Variants in CLIC5 observed in about 807,000 individuals in gnomAD.
The protein encoded by CLIC5 is chloride intracellular channel protein 5.
A neutral mutation model predicts 24.7 loss-of-function variants in CLIC5; 20 were observed. The ratio of observed to expected loss-of-function variants is 0.81; its 90% CI spans 0.57 to 1.18. CLIC5 has a LOEUF of 1.18. CLIC5 is among the 50% of genes most tolerant of loss of function. The pLI, the probability that CLIC5 is intolerant of heterozygous loss-of-function variation, is 0.00. For missense variants in CLIC5, 341 were observed against 326.1 expected, an observed-to-expected ratio of 1.05 and a Z score of -0.35; for synonymous variants, 159 against 135.6, an observed-to-expected ratio of 1.17 and a Z score of -1.20.
chr6:45,896,145 C>T (rs1014971121), downstream of CLIC5, among the ~76,000 whole-genome samples: 1 of 152,040 alleles, frequency 6.6e-6, no homozygotes, highest in African/African-American at 2.4e-5. Context: ...GATAGGAGAC[C>T]TATATAATGT....
the CLIC5 span, among the ~76,000 whole-genome samples, chr6:46,103,970 T>A: frequency 6.6e-6 from 1 of 152,114 alleles, no homozygotes; most frequent in Admixed American, 6.5e-5. Context: ...TGTTTCTTTT[T>A]CACCTGCAAG....
chr6:46,058,383 AGAG>A (rs1473894861), intron 1 of CLIC5, among the ~76,000 whole-genome samples: 1 of 152,242 alleles, frequency 6.6e-6, no homozygotes, highest in African/African-American at 2.4e-5. Flanking sequence ...TTCTATAAAT[AGAG>A]ATGTCAATAA....
At chr6:45,912,699 C>G in intron 5 of CLIC5, 1 of 1,535,470 alleles carries the variant, frequency 6.5e-7, no homozygotes, top group Non-Finnish European at 8.7e-7. Context: ...CACAGTGTGA[C>G]TGAGCTGGAA....
Position 45,911,519 on chromosome 6 carries a change from A to G in CLIC5, c.588+2709T>C, listed in dbSNP as rs1014247947. 1.3e-5 allele frequency: 11 copies of G among 815,930 alleles called. No homozygotes were observed. The African/African-American group carries it at 2.0e-4, about 15-fold the overall frequency. The allele number at this position is 815,930 out of a possible 1,614,324, so 50.5% of individuals were successfully genotyped here. On this transcript the variant is annotated intron_variant, in intron 5 of 5. Transcript: ENST00000339561. ...CAGGAGTGGTGGCCTGACCAAGAGA[A>G]CTGGCTGGAATTTATCAGAGTGGAT... is the stretch of plus-strand genomic sequence containing the variant.
chr6:45,904,069 A>G (rs1453765021), intron 5 of CLIC5, among the ~76,000 whole-genome samples: 1 of 152,210 alleles, frequency 6.6e-6, no homozygotes, highest in Admixed American at 6.5e-5. Context: ...AAACAAGAGC[A>G]AAGTGATTAA....
At chr6:45,948,347 C>T (rs1764355175) in intron 3 of CLIC5, among the ~76,000 whole-genome samples, 1 of 152,280 alleles carries the variant, frequency 6.6e-6, no homozygotes, top group East Asian at 1.9e-4. Flanking sequence ...CCTGGACAGT[C>T]ACCAATGGCT....
rs186278915 is a variant in CLIC5, at chr6:46,032,890, T to C, written c.540+46813A>G. On this transcript the variant is annotated intron_variant, in intron 1 of 5. Transcript: ENST00000185206. ...GGAAGCAGTTTCCAAGGACAATCTG[T>C]AGCAGAATCACTTAGGGAGCTTCTT... Among the ~76,000 whole-genome samples the C allele has an allele frequency of 1.5e-3, 230 of 151,970 alleles. 1 individual carries two copies. Among genetic ancestry groups the C allele is most frequent in the Admixed American group, 4.8e-3 (74 of 15,268 alleles).
At chr6:46,119,970 G>C in the CLIC5 span, among the ~76,000 whole-genome samples, 1 of 152,222 alleles carries the variant, frequency 6.6e-6, no homozygotes, top group African/African-American at 2.4e-5. Context: ...GCAGCTCAAG[G>C]AGGCCTGCCT....
At position 45,900,140 on chromosome 6, in the gene CLIC5, C is replaced by T. The variant is rs1762472090; in HGVS notation, c.*2948G>A. Reference sequence around the variant, plus strand: ...TCAGAAGCAGGCATTGCTGACTAGACAGTGAATTCAACTCAGTCATTCTGA... The same window carrying T: ...TCAGAAGCAGGCATTGCTGACTAGATAGTGAATTCAACTCAGTCATTCTGA... On this transcript the variant is annotated 3_prime_UTR_variant, in exon 6 of 6. Coordinates refer to ENST00000339561, the MANE Select transcript of CLIC5 (RefSeq NM_016929.5). 1 of 152,170 alleles carries T rather than the reference C, an allele frequency of 6.6e-6. No individual in the cohort carries two copies. Among genetic ancestry groups the T allele is most frequent in the Non-Finnish European group, 1.5e-5 (1 of 68,038 alleles). The allele number at this position is 152,170 out of a possible 1,614,324, so 9.4% of individuals were successfully genotyped here.
At chr6:46,028,813 AC>A (rs1452405840) in intron 1 of CLIC5, among the ~76,000 whole-genome samples, 1 of 152,174 alleles carries the variant, frequency 6.6e-6, no homozygotes, top group African/African-American at 2.4e-5. Flanking sequence ...CATCATAGTC[AC>A]CCAAAGTCCA....
chr6:45,949,291 G>C lies in CLIC5; in HGVS notation c.264C>G (p.Ile88Met). The C allele has an allele frequency of 6.2e-7, 1 of 1,613,834 alleles. No individual in the cohort carries two copies. Among genetic ancestry groups the C allele is most frequent in the Non-Finnish European group, 8.5e-7 (1 of 1,179,850 alleles). ...TCAAGGTCTCCTCCAGGAACTCCTC[G>C]ATCTTATTGACGTCTGTCTTCACGT... ...NGDVKTDVNKIEEFLEETLTP... is the reference protein window; with the variant it reads ...NGDVKTDVNKMEEFLEETLTP... Residue 88 changes from isoleucine to methionine, a missense_variant, in exon 3 of 6, where the codon ATC (isoleucine) becomes ATG (methionine). By Grantham distance (10) the Ile-to-Met change is conservative. Coordinates refer to ENST00000339561, the MANE Select transcript of CLIC5 (RefSeq NM_016929.5).
chr6:45,909,288 A>G (rs1348989375), intron 5 of CLIC5, among the ~76,000 whole-genome samples: 2 of 152,092 alleles, frequency 1.3e-5, no homozygotes, highest in Non-Finnish European at 2.9e-5. Context: ...ATTCAAGGTT[A>G]ATATTGATAT....
At chr6:46,002,609 T>C (rs1287626237) in intron 1 of CLIC5, among the ~76,000 whole-genome samples, 1 of 152,234 alleles carries the variant, frequency 6.6e-6, no homozygotes, top group Non-Finnish European at 1.5e-5. Context: ...ATGTGTCAGC[T>C]GGGGCTACTG....
chr6:46,085,741 A>G, the CLIC5 span, among the ~76,000 whole-genome samples: 3 of 152,220 alleles, frequency 2.0e-5, no homozygotes, highest in Non-Finnish European at 2.9e-5. Context: ...GCCCGTTCTC[A>G]GATCTCCAGC....
intron 1 of CLIC5, among the ~76,000 whole-genome samples, chr6:45,994,249 G>A (rs770773271): frequency 2.9e-4 from 44 of 152,180 alleles, no homozygotes; most frequent in African/African-American, 3.4e-4. Context: ...TTATTTACCC[G>A]TTGATGATAG....
intron 3 of CLIC5, among the ~76,000 whole-genome samples, chr6:45,943,124 C>T (rs1561952288): frequency 1.3e-5 from 2 of 152,236 alleles, no homozygotes; most frequent in Non-Finnish European, 2.9e-5. Flanking sequence ...GCCTAATTTC[C>T]TACATGAGGA....
At chr6:45,935,909 T>C (rs1156626094) in intron 4 of CLIC5, among the ~76,000 whole-genome samples, 2 of 152,068 alleles carry the variant, frequency 1.3e-5, no homozygotes, top group African/African-American at 4.8e-5. Context: ...TCTGCAGCAT[T>C]TTATAACACA....
intron 4 of CLIC5, among the ~76,000 whole-genome samples, chr6:45,926,533 G>A (rs942102826): frequency 1.3e-5 from 2 of 151,876 alleles, no homozygotes; most frequent in Admixed American, 6.6e-5. Flanking sequence ...TGGGATTATA[G>A]GCATGAGCCA....
the CLIC5 span, among the ~76,000 whole-genome samples, chr6:46,107,522 C>T: frequency 1.3e-5 from 2 of 152,064 alleles, no homozygotes; most frequent in Admixed American, 6.5e-5. Context: ...TAAAAGATAA[C>T]ATTGTGATTA....
Sources: gnomAD v4.1 joint callset for allele counts (sites outside exome capture counted in the v4.1 genomes callset) on GRCh38, gnomAD v4.1.1 for gene constraint, MANE v1.5 for transcripts, NCBI Gene and HGNC (gene_info 2026-07-23, HGNC 2026-07-21) for gene names.